RNF168: variants seen among roughly 807,000 people sequenced by gnomAD.
The protein encoded by RNF168 is E3 ubiquitin-protein ligase RNF168.
Under a neutral mutation model 34.9 loss-of-function variants are expected in RNF168, and 34 were observed. That is an observed-to-expected ratio of 0.97 (90% CI 0.74 to 1.30). RNF168 has a LOEUF of 1.30. RNF168 is among the 50% of genes most tolerant of loss of function. The probability of loss-of-function intolerance (pLI) is 0.00; values close to 1 mark genes in which losing one functional copy is unlikely to be tolerated. For synonymous variants in RNF168, 264 were observed against 254.7 expected, an observed-to-expected ratio of 1.04 and a Z score of -0.35; for missense variants, 725 against 682.5, an observed-to-expected ratio of 1.06 and a Z score of -0.69.
chr3:196,479,922 G>C (rs1340825849), intron 4 of RNF168, among the ~76,000 whole-genome samples: 1 of 152,068 alleles, frequency 6.6e-6, no homozygotes, highest in Admixed American at 6.6e-5. Flanking sequence ...AATGTCTTAA[G>C]ATCTTTCCAA....
intron 2 of RNF168, among the ~76,000 whole-genome samples, chr3:196,488,350 C>T (rs373648233): frequency 7.9e-5 from 12 of 151,576 alleles, no homozygotes; most frequent in Non-Finnish European, 1.3e-4. Context: ...GGCGTAGTGG[C>T]GGGCGCCTGT....
intron 3 of RNF168, among the ~76,000 whole-genome samples, chr3:196,486,120 A>G (rs1732415249): frequency 6.6e-6 from 1 of 152,202 alleles, no homozygotes; most frequent in African/African-American, 2.4e-5. Flanking sequence ...CAATTTAACT[A>G]CAGGAAGCAG....
In RNF168 at chr3:196,473,371, C is replaced by A. The variant is rs916964240; in HGVS notation, c.763-599G>T. On this transcript the variant is annotated intron_variant, in intron 5 of 5. Transcript: ENST00000318037. ...TTGTAAACACAATCATTAAAAGGTT[C>A]AAAAAAATGTGAGGTAATAATGTGC... Among the ~76,000 whole-genome samples, 19 of 151,876 alleles carry A rather than the reference C, an allele frequency of 1.3e-4. 1 individual carries two copies. Among genetic ancestry groups the A allele is most frequent in the African/African-American group, 4.1e-4 (17 of 41,348 alleles).
chr3:196,501,016 A>G (rs1232025710), intron 1 of RNF168, among the ~76,000 whole-genome samples: 1 of 152,176 alleles, frequency 6.6e-6, no homozygotes, highest in African/African-American at 2.4e-5. Context: ...CGGCCCCGCA[A>G]TTTTTTGACA....
rs189215190 is a variant in RNF168 at position 196,475,936 on chromosome 3, T to C, written c.681-624A>G. ...GTGCAGTGGCGCGATCTCAGCTCAC[T>C]GCAACCTCCGCCTCCCGGGTTTAAG... On this transcript the variant is annotated intron_variant, in intron 4 of 5. Transcript: ENST00000318037. Among the ~76,000 whole-genome samples the C allele has an allele frequency of 4.0e-3, 609 of 151,524 alleles. 5 individuals are homozygous for C. Among genetic ancestry groups the C allele is most frequent in the African/African-American group, 0.014 (585 of 41,300 alleles).
intron 4 of RNF168, among the ~76,000 whole-genome samples, chr3:196,476,473 T>G (rs188818930): frequency 6.6e-6 from 1 of 151,252 alleles, no homozygotes; most frequent in African/African-American, 2.4e-5. Flanking sequence ...CTGGAGTGCA[T>G]TGGTGCAATC....
Position 196,493,723 on chromosome 3 carries a change from T to G in RNF168, c.302-5040A>C, listed in dbSNP as rs192038992. 6.2e-3 allele frequency among the ~76,000 whole-genome samples: 937 copies of G among 152,148 alleles called. 11 individuals are homozygous for G. Among genetic ancestry groups the G allele is most frequent in the African/African-American group, 0.021 (881 of 41,492 alleles). ...TGTAATTTTAGTAGAGACGGGGGTT[T>G]TACCATGTTGGCCAGGCTGGTCTTG... On this transcript the variant is annotated intron_variant, in intron 1 of 5. Coordinates refer to ENST00000318037, the MANE Select transcript of RNF168 (RefSeq NM_152617.4).
rs1281819443 is a variant in RNF168, at chr3:196,472,582, G to T, written c.953C>A (p.Pro318Gln). The T allele has an allele frequency of 6.2e-7, 1 of 1,614,044 alleles. No homozygotes were observed. Among genetic ancestry groups the T allele is most frequent in the Non-Finnish European group, 8.5e-7 (1 of 1,180,048 alleles). Residue 318 changes from proline (P) to glutamine (Q), a missense_variant, in exon 6 of 6, where the codon CCA (proline) becomes CAA (glutamine). Coordinates refer to ENST00000318037, the MANE Select transcript of RNF168 (RefSeq NM_152617.4). ...ACATAACTCTTTCCCATGATTGCTT[G>T]GTCTTGTTTTGACGTTTCCTTCATG... Reference protein sequence around the residue: ...WYHEGNVKTRPSNHGKELCVL... With the variant: ...WYHEGNVKTRQSNHGKELCVL...
chr3:196,503,266 G>A lies in RNF168; in HGVS notation c.-93C>T, dbSNP rs945869431. 8.9e-6 allele frequency: 10 copies of A among 1,128,110 alleles called. No homozygotes were observed. The highest frequency in any genetic ancestry group is 1.3e-5 in the Non-Finnish European group (10 of 754,850). The allele number at this position is 1,128,110 out of a possible 1,614,324, so 69.9% of individuals were successfully genotyped here. On this transcript the variant is annotated 5_prime_UTR_variant, in exon 1 of 6. Transcript: ENST00000318037. The stretch of plus-strand genomic sequence containing the variant: ...CCACAGAGAGAGCAAAAGCAGTTTT[G>A]TGTTTCAGTATTATGCCCAGAAGCG...
intron 4 of RNF168, among the ~76,000 whole-genome samples, chr3:196,476,236 C>T (rs896178253): frequency 6.6e-6 from 1 of 151,998 alleles, no homozygotes; most frequent in African/African-American, 2.4e-5. Flanking sequence ...ATAGTCTTCC[C>T]AAAAGTAATG....
chr3:196,474,898 T>C, intron 5 of RNF168: 1 of 275,760 alleles, frequency 3.6e-6, no homozygotes. Context: ...TTTACTGGAA[T>C]GCATTCAAGC....
Position 196,475,313 on chromosome 3 carries a change from C to G in RNF168, c.681-1G>C. On this transcript the variant is annotated splice_acceptor_variant, in intron 4 of 5. Coordinates refer to ENST00000318037, the MANE Select transcript of RNF168 (RefSeq NM_152617.4). LOFTEE classifies it high-confidence loss of function. The stretch of plus-strand genomic sequence containing the variant: ...AAACTGAGATTTCGGTGTCAAATAC[C>G]TAAAAGAAAAGTTTACCAAAGTTTC... 6.3e-7 allele frequency: 1 copy of G among 1,592,488 alleles called. No individual in the cohort carries two copies. Among genetic ancestry groups the G allele is most frequent in the South Asian group, 1.1e-5 (1 of 90,614 alleles).
At chr3:196,475,475 C>T (rs368739665) in intron 4 of RNF168, 163 bp from the exon 5 acceptor site, 3 of 574,670 alleles carry the variant, frequency 5.2e-6, no homozygotes, top group African/African-American at 1.9e-5. Context: ...AATTCCAGGA[C>T]AAAACTTAAA....
intron 4 of RNF168, among the ~76,000 whole-genome samples, chr3:196,481,476 A>G (rs984813324): frequency 7.2e-5 from 11 of 151,974 alleles, no homozygotes; most frequent in Non-Finnish European, 1.3e-4. Context: ...ATGTTCCACT[A>G]TGAAGTATGA....
intron 3 of RNF168, among the ~76,000 whole-genome samples, chr3:196,484,349 T>A (rs1010410589): frequency 4.0e-5 from 6 of 151,174 alleles, no homozygotes; most frequent in Admixed American, 1.3e-4. Flanking sequence ...TTTTTTGTAT[T>A]TTTTTTAGTA....
intron 4 of RNF168, among the ~76,000 whole-genome samples, chr3:196,475,812 A>T (rs552694942): frequency 1.1e-4 from 17 of 150,658 alleles, no homozygotes; most frequent in Admixed American, 9.3e-4. Flanking sequence ...GGCCTCCCAA[A>T]GTGCTGGGAT....
intron 1 of RNF168, among the ~76,000 whole-genome samples, chr3:196,493,139 C>T (rs1020214680): frequency 2.6e-5 from 4 of 152,132 alleles, no homozygotes; most frequent in African/African-American, 9.7e-5. Context: ...CAGAATATAA[C>T]TAGAACTTCC....
In RNF168 at chr3:196,471,265, T is replaced by A. The variant is rs1307286274; in HGVS notation, c.*554A>T. 6.9e-6 allele frequency: 1 copy of A among 145,666 alleles called. No homozygotes were observed. Among genetic ancestry groups the A allele is most frequent in the East Asian group, 2.0e-4 (1 of 5,016 alleles). 9.0% of individuals were successfully genotyped at this position (145,666 alleles called of 1,614,324 possible). On this transcript the variant is annotated 3_prime_UTR_variant, in exon 6 of 6. Coordinates refer to ENST00000318037, the MANE Select transcript of RNF168 (RefSeq NM_152617.4). The stretch of plus-strand genomic sequence containing the variant: ...CCCACATATGAATATGAATCCAAAT[T>A]TTGAAACTCCGTCTAAAAAAAAAAA...
At chr3:196,479,963 G>C (rs1021867068) in intron 4 of RNF168, among the ~76,000 whole-genome samples, 7 of 152,244 alleles carry the variant, frequency 4.6e-5, no homozygotes, top group Admixed American at 3.9e-4. Flanking sequence ...GTTTATGAGA[G>C]AACAGTCATA....
Sources: gnomAD v4.1 joint callset for allele counts (sites outside exome capture counted in the v4.1 genomes callset) on GRCh38, gnomAD v4.1.1 for gene constraint, MANE v1.5 for transcripts, NCBI Gene and HGNC (gene_info 2026-07-23, HGNC 2026-07-21) for gene names.